LDAF1: variants seen among roughly 807,000 people sequenced by gnomAD.
LDAF1 encodes the protein PROMETHIN.
In LDAF1, 7 loss-of-function variants were observed where a neutral mutation model predicts 13.5. That is an observed-to-expected ratio of 0.52 (90% confidence interval 0.29 to 0.97). The LOEUF is 0.97. LDAF1 is among the 50% of genes least tolerant of loss of function. The pLI is 0.07. For synonymous variants in LDAF1, 69 were observed against 77.1 expected, an observed-to-expected ratio of 0.89 and a Z score of 0.55; for missense variants, 148 against 193.2, an observed-to-expected ratio of 0.77 and a Z score of 1.39.
chr16:21,163,432 G>A (rs948164100), intron 2 of LDAF1, among the ~76,000 whole-genome samples: 2 of 152,160 alleles, frequency 1.3e-5, no homozygotes, highest in African/African-American at 4.8e-5. Context: ...GATCCCTTGA[G>A]CCAGAAGTTC....
chr16:21,164,647 C>T (rs1392360366), intron 2 of LDAF1, among the ~76,000 whole-genome samples: 2 of 152,160 alleles, frequency 1.3e-5, no homozygotes, highest in Non-Finnish European at 2.9e-5. Context: ...CAGAGGGTGG[C>T]GCATAATGTT....
chr16:21,179,205 G>A (rs994912414), intron 4 of LDAF1: 4 of 277,510 alleles, frequency 1.4e-5, no homozygotes, highest in African/African-American at 9.2e-5. Context: ...TTCTCACTGG[G>A]TTGTTGTGAG....
At chr16:21,158,969 C>T (rs1358046036) in intron 1 of LDAF1, among the ~76,000 whole-genome samples, 1 of 151,732 alleles carries the variant, frequency 6.6e-6, no homozygotes, top group Non-Finnish European at 1.5e-5. Flanking sequence ...TTCCTCCCCA[C>T]CCCTAAATGC....
chr16:21,166,375 C>T (rs1345972621), intron 2 of LDAF1, among the ~76,000 whole-genome samples: 3 of 152,174 alleles, frequency 2.0e-5, no homozygotes, highest in Non-Finnish European at 4.4e-5. Flanking sequence ...AATAGATTCA[C>T]ATACCCAACC....
At chr16:21,171,852 C>T (rs772428174) in intron 3 of LDAF1, among the ~76,000 whole-genome samples, 8 of 151,920 alleles carry the variant, frequency 5.3e-5, no homozygotes, top group Non-Finnish European at 8.8e-5. Context: ...ATTCTCCTGC[C>T]TCAGCCTCCC....
chr16:21,177,605 T>C (rs1370854489), intron 4 of LDAF1, among the ~76,000 whole-genome samples: 1 of 151,196 alleles, frequency 6.6e-6, no homozygotes, highest in Admixed American at 6.6e-5. Context: ...TGAGAACCCT[T>C]GCATTAGCGA....
intron 1 of LDAF1, chr16:21,159,426 G>A (rs2092939131): frequency 6.2e-7 from 1 of 1,613,840 alleles, no homozygotes; most frequent in African/African-American, 1.3e-5. Flanking sequence ...AGCTCGAGGC[G>A]CCCTGTAGCT....
chr16:21,168,777 TTTATATTTTTATAAATATAA>T (rs957799812), intron 2 of LDAF1, among the ~76,000 whole-genome samples: 32 of 132,170 alleles, frequency 2.4e-4, no homozygotes, highest in African/African-American at 6.4e-4. Flanking sequence ...TATTTTTATA[TTTATATTTTTATAAATATAA>T]TTATATTTTT....
At chr16:21,163,123 T>TGTGCATAAGG (rs1358457005) in intron 2 of LDAF1, among the ~76,000 whole-genome samples, 1 of 152,232 alleles carries the variant, frequency 6.6e-6, no homozygotes, top group Non-Finnish European at 1.5e-5. Context: ...ATCACAGCCT[T>TGTGCATAAGG]CTCATGGTTA....
intron 2 of LDAF1, among the ~76,000 whole-genome samples, chr16:21,167,692 G>GTTTTTTTTTTT (rs2093037193): frequency 1.0e-3 from 9 of 8,974 alleles, no homozygotes; most frequent in African/African-American, 4.1e-3. Context: ...AAGACCTTAG[G>GTTTTTTTTTTT]TTTGTTTTTT....
At chr16:21,172,303 C>T (rs868553203) in intron 3 of LDAF1, among the ~76,000 whole-genome samples, 83 of 151,926 alleles carry the variant, frequency 5.5e-4, no homozygotes, top group Admixed American at 3.3e-4. Flanking sequence ...AAAAATTAGC[C>T]GGGCATGGTG....
At chr16:21,177,757 A>G (rs987163004) in intron 4 of LDAF1, among the ~76,000 whole-genome samples, 7 of 150,204 alleles carry the variant, frequency 4.7e-5, no homozygotes, top group African/African-American at 9.8e-5. Flanking sequence ...AGCTGGGATT[A>G]TAGGTGTGCA....
At position 21,170,501 on chromosome 16, in the gene LDAF1, C is replaced by G; in HGVS notation, c.161C>G (p.Thr54Ser). The part of the protein sequence containing the change: ...YLDSHPFLAF[T>S]LLVFIVMSAV... Reference sequence around the variant, plus strand: ...GACAGCCATCCGTTTCTGGCCTTCACCTTGCTGGTGTTCATTGTCATGTCG... The same window carrying G: ...GACAGCCATCCGTTTCTGGCCTTCAGCTTGCTGGTGTTCATTGTCATGTCG... Residue 54 changes from threonine to serine, a missense_variant, in exon 3 of 5, where the codon ACC (threonine) becomes AGC (serine). Coordinates refer to ENST00000233047, the MANE Select transcript of LDAF1 (RefSeq NM_001301771.2). The G allele has an allele frequency of 6.2e-7, 1 of 1,614,132 alleles. No homozygotes were observed. Among genetic ancestry groups the G allele is most frequent in the Non-Finnish European group, 8.5e-7 (1 of 1,180,024 alleles).
In LDAF1 at chr16:21,161,118, G is replaced by A. The variant is rs2092969229; in HGVS notation, c.-65G>A. On this transcript the variant is annotated 5_prime_UTR_variant, in exon 2 of 5. Transcript: ENST00000233047. ...AGAGCGACATGAGAGATTGGACCGC[G>A]GGCTGCACTGGAGAATTTACTGGTA... 6.3e-6 allele frequency: 10 copies of A among 1,597,170 alleles called. No homozygotes were observed. Among genetic ancestry groups the A allele is most frequent in the Middle Eastern group, 1.8e-4 (1 of 5,552 alleles).
chr16:21,169,139 C>G (rs930134254), intron 2 of LDAF1: 24 of 979,142 alleles, frequency 2.5e-5, no homozygotes, highest in Non-Finnish European at 2.7e-5. Flanking sequence ...TAATAATAGA[C>G]AAGTGATTAG....
intron 3 of LDAF1, among the ~76,000 whole-genome samples, chr16:21,173,710 CAAAAA>C (rs962448562): frequency 8.8e-5 from 13 of 148,228 alleles, no homozygotes; most frequent in African/African-American, 3.2e-4. Context: ...AAGACTGTCT[CAAAAA>C]AGAAAAAAAA....
At position 21,179,610 on chromosome 16, in the gene LDAF1, C is replaced by T. The variant is rs1368963900; in HGVS notation, c.*54C>T. ...CAAGTACTGCTGGATCATACTCACCCCTTGGGATTATGGCTTAGAAGAAGG... is the reference window on the plus strand; with the variant it reads ...CAAGTACTGCTGGATCATACTCACCTCTTGGGATTATGGCTTAGAAGAAGG... On this transcript the variant is annotated 3_prime_UTR_variant, in exon 5 of 5. Coordinates refer to ENST00000233047, the MANE Select transcript of LDAF1 (RefSeq NM_001301771.2). The T allele has an allele frequency of 1.3e-6, 2 of 1,514,934 alleles. No individual in the cohort carries two copies. The highest frequency in any genetic ancestry group is 1.4e-5 in the African/African-American group (1 of 72,272). The allele number at this position is 1,514,934 out of a possible 1,614,324, so 93.8% of individuals were successfully genotyped here. A position where few individuals can be genotyped will look rare whatever the true frequency, so the allele number is the denominator to read the frequency against.
At chr16:21,165,522 CCTT>C (rs1387593329) in intron 2 of LDAF1, 1 of 910,178 alleles carries the variant, frequency 1.1e-6, no homozygotes, top group African/African-American at 1.8e-5. Flanking sequence ...CCTGTGTATT[CCTT>C]CTTTTGTCAT....
chr16:21,170,399 G>A (rs2093075389), intron 2 of LDAF1, 38 bp from the exon 3 acceptor site: 1 of 1,611,274 alleles, frequency 6.2e-7, no homozygotes, highest in African/African-American at 1.3e-5. Flanking sequence ...GGGTTCCGAT[G>A]TGTTACTTAT....
Sources: allele counts gnomAD v4.1 joint callset (sites outside exome capture counted in the v4.1 genomes callset), GRCh38; gene constraint gnomAD v4.1.1; transcripts MANE v1.5; gene names NCBI Gene and HGNC (gene_info 2026-07-23, HGNC 2026-07-21).